Variants in CSMD1 observed in about 807,000 individuals in gnomAD.
CSMD1 encodes CUB and Sushi multiple domains 1.
Under a neutral mutation model 417.5 loss-of-function variants are expected in CSMD1, and 213 were observed. The observed-to-expected ratio is 0.51, with a 90% confidence interval of 0.46 to 0.57. The LOEUF (loss-of-function observed/expected upper bound fraction) is 0.57. CSMD1 is among the 20% of genes least tolerant of loss of function. The pLI is 0.00. For missense variants in CSMD1, 6,923 were observed against 4,529.7 expected, an observed-to-expected ratio of 1.53 and a Z score of -15.17; for synonymous variants, 2,862 against 1,736.8, an observed-to-expected ratio of 1.65 and a Z score of -16.11.
chr8:4,548,324 A>T (rs1157803326), intron 2 of CSMD1, among the ~76,000 whole-genome samples: 2 of 152,198 alleles, frequency 1.3e-5, no homozygotes, highest in Non-Finnish European at 2.9e-5. Flanking sequence ...TTTTATTTTA[A>T]TAATATCACC....
At chr8:4,910,191 C>T (rs1240124348) in intron 1 of CSMD1, among the ~76,000 whole-genome samples, 2 of 152,150 alleles carry the variant, frequency 1.3e-5, no homozygotes, top group South Asian at 2.1e-4. Context: ...CACATACACA[C>T]ACTTGTTATA....
At chr8:4,409,411 C>T (rs941202821) in intron 3 of CSMD1, among the ~76,000 whole-genome samples, 2 of 152,118 alleles carry the variant, frequency 1.3e-5, no homozygotes, top group Admixed American at 1.3e-4. Context: ...ATTTTCACCC[C>T]ATATTCTTGT....
intron 5 of CSMD1, among the ~76,000 whole-genome samples, chr8:3,805,272 G>A (rs1393924091): frequency 2.0e-5 from 3 of 152,130 alleles, no homozygotes; most frequent in Non-Finnish European, 2.9e-5. Flanking sequence ...TAGGGCATCA[G>A]CATCGCAGAG....
intron 2 of CSMD1, among the ~76,000 whole-genome samples, chr8:4,576,285 AGGGCATTGCCT>A (rs1799131540): frequency 6.6e-6 from 1 of 152,198 alleles, no homozygotes; most frequent in African/African-American, 2.4e-5. Flanking sequence ...CTCTTGCCAC[AGGGCATTGCCT>A]GGGTTCTCCT....
intron 2 of CSMD1, among the ~76,000 whole-genome samples, chr8:4,587,184 C>A (rs867418190): frequency 2.0e-5 from 3 of 152,100 alleles, no homozygotes; most frequent in Non-Finnish European, 4.4e-5. Context: ...TTATGGCTTA[C>A]TTGAAGGGTA....
chr8:3,861,192 C>T (rs1035561921), intron 5 of CSMD1, among the ~76,000 whole-genome samples: 1 of 152,138 alleles, frequency 6.6e-6, no homozygotes, highest in Non-Finnish European at 1.5e-5. Flanking sequence ...TGTTTCTTGG[C>T]AACGAGGTTC....
intron 65 of CSMD1, among the ~76,000 whole-genome samples, chr8:2,953,298 T>C (rs1327828389): frequency 6.6e-6 from 1 of 152,180 alleles, no homozygotes. Context: ...CCTTTCATCA[T>C]ATTGGCACAT....
chr8:4,290,498 GA>G lies in CSMD1; in HGVS notation c.415+129454del, dbSNP rs59719988. Among the ~76,000 whole-genome samples the G allele has an allele frequency of 2.5e-3, 383 of 152,026 alleles. 1 individual carries two copies. Among genetic ancestry groups the G allele is most frequent in the African/African-American group, 8.5e-3 (352 of 41,504 alleles). On this transcript the variant is annotated intron_variant, in intron 3 of 69. Transcript: ENST00000635120. ...GGACACTGCATCTTTCATAGCATGAGAAAAAAAGGACAGATGATGTTTCTCT... is the reference window on the plus strand; with the variant it reads ...GGACACTGCATCTTTCATAGCATGAGAAAAAAGGACAGATGATGTTTCTCT...
At chr8:4,987,918 G>T (rs1294939997) in intron 1 of CSMD1, among the ~76,000 whole-genome samples, 4 of 152,208 alleles carry the variant, frequency 2.6e-5, no homozygotes, top group Non-Finnish European at 5.9e-5. Context: ...TTTCCGGGGT[G>T]TCTTGGACTT....
chr8:3,456,729 T>C (rs1346272766), intron 12 of CSMD1, among the ~76,000 whole-genome samples: 1 of 152,124 alleles, frequency 6.6e-6, no homozygotes, highest in Admixed American at 6.5e-5. Flanking sequence ...TTTGGAGCTG[T>C]TGATTTCTCT....
intron 10 of CSMD1, among the ~76,000 whole-genome samples, chr8:3,559,788 G>A (rs1799390938): frequency 1.3e-5 from 2 of 152,218 alleles, no homozygotes; most frequent in African/African-American, 4.8e-5. Flanking sequence ...ATTAGAAAAT[G>A]GAGAGTGAGG....
intron 4 of CSMD1, among the ~76,000 whole-genome samples, chr8:4,009,621 G>C (rs567539434): frequency 6.6e-6 from 1 of 152,220 alleles, no homozygotes; most frequent in Non-Finnish European, 1.5e-5. Flanking sequence ...GAAATATCCA[G>C]GAAAGAAATA....
At chr8:4,965,153 T>C (rs1358982179) in intron 1 of CSMD1, among the ~76,000 whole-genome samples, 1 of 152,182 alleles carries the variant, frequency 6.6e-6, no homozygotes, top group East Asian at 1.9e-4. Flanking sequence ...TATTTGTAGA[T>C]AGCATACAGA....
intron 3 of CSMD1, among the ~76,000 whole-genome samples, chr8:4,094,897 G>A (rs1179139766): frequency 6.6e-6 from 1 of 152,214 alleles, no homozygotes; most frequent in Admixed American, 6.5e-5. Flanking sequence ...ACAGATTGAA[G>A]AGGATACTGG....
intron 5 of CSMD1, among the ~76,000 whole-genome samples, chr8:3,886,882 C>A (rs982817527): frequency 3.3e-5 from 5 of 152,160 alleles, no homozygotes; most frequent in Admixed American, 1.3e-4. Context: ...CTGGCTCTCG[C>A]ATGGTAATGA....
intron 1 of CSMD1, among the ~76,000 whole-genome samples, chr8:4,764,370 T>A (rs181563403): frequency 6.6e-6 from 1 of 152,292 alleles, no homozygotes; most frequent in East Asian, 1.9e-4. Flanking sequence ...AAAGGAGCAA[T>A]CATGAGATTA....
intron 3 of CSMD1, among the ~76,000 whole-genome samples, chr8:4,367,236 G>T (rs983010954): frequency 9.2e-5 from 14 of 152,204 alleles, no homozygotes; most frequent in African/African-American, 3.4e-4. Flanking sequence ...GTGTAAGGAA[G>T]GGGTCCAGTC....
chr8:3,597,379 C>A (rs1283617142), intron 8 of CSMD1, among the ~76,000 whole-genome samples: 1 of 69,506 alleles, frequency 1.4e-5, no homozygotes, highest in African/African-American at 1.2e-4. Context: ...ATTAAACTGC[C>A]CCTAAAGCTG....
Position 3,235,916 on chromosome 8 carries a change from GT to G in CSMD1, c.4154-5686del, listed in dbSNP as rs11414439. Reference sequence around the variant, plus strand: ...TTATGCCAGTTATATGAAGATGTAAGTTTTTTTTTTTTTTTTTTTGAGACAG... The same window carrying G: ...TTATGCCAGTTATATGAAGATGTAAGTTTTTTTTTTTTTTTTTTGAGACAG... On this transcript the variant is annotated intron_variant, in intron 26 of 69. Coordinates refer to ENST00000635120, the MANE Select transcript of CSMD1 (RefSeq NM_033225.6). 1.7e-3 allele frequency among the ~76,000 whole-genome samples: 198 copies of G among 119,338 alleles called. 3 individuals are homozygous for G. Among genetic ancestry groups the G allele is most frequent in the East Asian group, 0.011 (41 of 3,856 alleles). The allele number at this position is 119,338 out of a possible 152,430, so 78.3% of individuals were successfully genotyped here.
Sources: gnomAD v4.1 joint callset for allele counts (sites outside exome capture counted in the v4.1 genomes callset) on GRCh38, gnomAD v4.1.1 for gene constraint, MANE v1.5 for transcripts, NCBI Gene and HGNC (gene_info 2026-07-23, HGNC 2026-07-21) for gene names.